TMCC1: variants seen among roughly 807,000 people sequenced by gnomAD.
TMCC1 encodes the protein transmembrane and coiled-coil domain family 1, also known as transmembrane and coiled-coil domains protein 1.
TMCC1 carries 15 observed loss-of-function variants against 52.4 expected under a neutral mutation model. That is an observed-to-expected ratio of 0.29 (90% CI 0.19 to 0.44). The LOEUF is 0.44. TMCC1 is among the 20% of genes least tolerant of loss of function. The probability of loss-of-function intolerance (pLI) is 1.00; values close to 1 mark genes in which losing one functional copy is unlikely to be tolerated. For missense variants in TMCC1, 503 were observed against 806.0 expected (o/e 0.62, Z 4.55); for synonymous variants, 279 against 301.9 (o/e 0.92, Z 0.79).
chr3:129,775,466 C>T (rs922255070), intron 4 of TMCC1, among the ~76,000 whole-genome samples: 8 of 149,984 alleles, frequency 5.3e-5, no homozygotes, highest in Admixed American at 1.3e-4. Context: ...GACCCTGTCT[C>T]GAAAAAAAAG....
At chr3:129,860,348 G>A (rs1051550683) in intron 2 of TMCC1, among the ~76,000 whole-genome samples, 2 of 151,908 alleles carry the variant, frequency 1.3e-5, no homozygotes, top group Admixed American at 6.6e-5. Flanking sequence ...GGGATTACAG[G>A]CATGAGCCAC....
intron 1 of TMCC1, among the ~76,000 whole-genome samples, chr3:129,880,818 A>G (rs139663870): frequency 1.2e-3 from 179 of 151,314 alleles, no homozygotes; most frequent in African/African-American, 3.7e-3. Flanking sequence ...AATCTGAAAT[A>G]CTTCTGGTCT....
At chr3:129,782,794 C>T (rs1354922902) in intron 4 of TMCC1, among the ~76,000 whole-genome samples, 4 of 152,088 alleles carry the variant, frequency 2.6e-5, no homozygotes, top group Admixed American at 2.6e-4. Flanking sequence ...TGTGTTATTT[C>T]CTTTTTTGTT....
Position 129,674,840 on chromosome 3 carries a change from T to C in TMCC1, c.577-3576A>G, listed in dbSNP as rs150590995. Reference sequence around the variant, plus strand: ...CATATACAACAACATAAAATTAGATTTCTCTTCTTTTTTTTTTGAGACAGA... The same window carrying C: ...CATATACAACAACATAAAATTAGATCTCTCTTCTTTTTTTTTTGAGACAGA... On this transcript the variant is annotated intron_variant, in intron 4 of 6. Transcript: ENST00000393238. Among the ~76,000 whole-genome samples the C allele has an allele frequency of 1.8e-4, 28 of 152,320 alleles. No individual in the cohort carries two copies. In the East Asian group the frequency reaches 5.2e-3, roughly 28 times the overall value.
chr3:129,743,735 C>A lies in TMCC1; in HGVS notation c.577-72471G>T, dbSNP rs553457166. Among the ~76,000 whole-genome samples, 11 of 152,238 alleles carry A rather than the reference C, an allele frequency of 7.2e-5. No individual in the cohort carries two copies. The East Asian group carries it at 2.1e-3, about 29-fold the overall frequency. On this transcript the variant is annotated intron_variant, in intron 4 of 6. Transcript: ENST00000393238. Reference sequence around the variant, plus strand: ...CTACGATAGCTGGCAAATAAGCTAACCTATCTGCAAAATGCCCATTCCTGC... The same window carrying A: ...CTACGATAGCTGGCAAATAAGCTAAACTATCTGCAAAATGCCCATTCCTGC...
intron 2 of TMCC1, among the ~76,000 whole-genome samples, chr3:129,845,739 C>T (rs1028678046): frequency 1.3e-5 from 2 of 152,086 alleles, no homozygotes; most frequent in African/African-American, 2.4e-5. Flanking sequence ...CCCCAAAGAG[C>T]CTAAGTGTCT....
chr3:129,670,653 C>T lies in TMCC1; in HGVS notation c.1188G>A (p.Gly396=). 1.2e-6 allele frequency: 2 copies of T among 1,614,236 alleles called. No homozygotes were observed. Among genetic ancestry groups the T allele is most frequent in the Non-Finnish European group, 1.7e-6 (2 of 1,180,042 alleles). Reference sequence around the variant, plus strand: ...AAGCCTTCCCCGCATCATCCACTTGCCCTTCCTCTAAAGAGTCCTTCAGGT... The same window carrying T: ...AAGCCTTCCCCGCATCATCCACTTGTCCTTCCTCTAAAGAGTCCTTCAGGT... The part of the protein sequence containing the change: ...IPNLKDSLEE[G]QVDDAGKALG... Residue 396 remains glycine (G), a synonymous_variant, in exon 5 of 7, where the codon GGG becomes GGA. Transcript: ENST00000393238.
intron 4 of TMCC1, among the ~76,000 whole-genome samples, chr3:129,739,753 C>A (rs2051296396): frequency 6.6e-6 from 1 of 152,148 alleles, no homozygotes; most frequent in African/African-American, 2.4e-5. Context: ...AGTAAAACAG[C>A]CTAAAAATTT....
intron 5 of TMCC1, among the ~76,000 whole-genome samples, chr3:129,660,619 T>C (rs1427970167): frequency 6.6e-6 from 1 of 152,230 alleles, no homozygotes; most frequent in Non-Finnish European, 1.5e-5. Context: ...TTACTTCTTA[T>C]TTCATACATC....
At chr3:129,796,593 G>A (rs2056843785) in intron 4 of TMCC1, among the ~76,000 whole-genome samples, 1 of 152,176 alleles carries the variant, frequency 6.6e-6, no homozygotes, top group Non-Finnish European at 1.5e-5. Context: ...GCTAAGACAG[G>A]AGGATCACTT....
chr3:129,878,227 G>C (rs2061314369), intron 2 of TMCC1, among the ~76,000 whole-genome samples: 1 of 152,076 alleles, frequency 6.6e-6, no homozygotes, highest in South Asian at 2.1e-4. Context: ...GCCTCCCAAA[G>C]CACTGGGATT....
chr3:129,763,218 ATAAATAAAT>A (rs2053775302), intron 4 of TMCC1, among the ~76,000 whole-genome samples: 4 of 122,962 alleles, frequency 3.3e-5, no homozygotes, highest in Non-Finnish European at 7.2e-5. Flanking sequence ...AAATAAATAA[ATAAATAAAT>A]AAATAAATAA....
intron 5 of TMCC1, 64 bp downstream of exon 5, chr3:129,670,266 C>A (rs2087809377): frequency 1.3e-6 from 2 of 1,513,548 alleles, no homozygotes; most frequent in African/African-American, 1.4e-5. Context: ...AAGCCATTTC[C>A]CCATATCTAA....
intron 2 of TMCC1, among the ~76,000 whole-genome samples, chr3:129,851,226 G>A (rs1461478785): frequency 6.6e-6 from 1 of 151,656 alleles, no homozygotes; most frequent in Admixed American, 6.6e-5. Flanking sequence ...CCAACCAATT[G>A]CAAAGCTTCT....
intron 4 of TMCC1, among the ~76,000 whole-genome samples, chr3:129,783,250 C>G (rs889460714): frequency 2.6e-5 from 4 of 152,112 alleles, no homozygotes; most frequent in Non-Finnish European, 5.9e-5. Flanking sequence ...ATCTAAATAT[C>G]TAAATGTACT....
At chr3:129,673,269 G>C (rs1233306850) in intron 4 of TMCC1, among the ~76,000 whole-genome samples, 1 of 152,106 alleles carries the variant, frequency 6.6e-6, no homozygotes, top group African/African-American at 2.4e-5. Context: ...AAGGTGCCAA[G>C]AGTTGCAACA....
At chr3:129,765,573 A>G (rs2054058336) in intron 4 of TMCC1, among the ~76,000 whole-genome samples, 1 of 152,194 alleles carries the variant, frequency 6.6e-6, no homozygotes, top group African/African-American at 2.4e-5. Context: ...ATTTGGATTA[A>G]CTATGAGTGG....
intron 2 of TMCC1, chr3:129,848,010 T>C (rs753309255): frequency 4.6e-5 from 7 of 152,154 alleles, no homozygotes; most frequent in African/African-American, 1.4e-4. Flanking sequence ...TCTTATGGGG[T>C]TGTCTTTCAA....
intron 4 of TMCC1, among the ~76,000 whole-genome samples, chr3:129,801,010 G>A (rs925453316): frequency 7.3e-6 from 1 of 137,300 alleles, no homozygotes. Flanking sequence ...TGCAAGCTCC[G>A]CCTCCCAGGT....
Sources: gnomAD v4.1 joint callset for allele counts (sites outside exome capture counted in the v4.1 genomes callset) on GRCh38, gnomAD v4.1.1 for gene constraint, MANE v1.5 for transcripts, NCBI Gene and HGNC (gene_info 2026-07-23, HGNC 2026-07-21) for gene names.